The following OR2A42 variants were observed in gnomAD, a reference collection of about 807,000 sequenced individuals.
The protein encoded by OR2A42 is olfactory receptor family 2 subfamily A member 42.
For synonymous variants in OR2A42, 5 were observed against 46.4 expected (o/e 0.11, Z 3.63); for missense variants, 3 against 104.1 (o/e 0.03, Z 4.23).
At chr7:144,236,085 T>C (rs1378576091) in intron 2 of OR2A42, among the ~76,000 whole-genome samples, 1 of 150,164 alleles carries the variant, frequency 6.7e-6, no homozygotes, top group African/African-American at 2.4e-5. Flanking sequence ...ATTTAAAAAT[T>C]TGGCAAATTA....
rs1284747479 is a variant in OR2A42 at position 144,229,879 on chromosome 7, C to G, written c.*2032G>C. 2 of 151,804 alleles carry G rather than the reference C, an allele frequency of 1.3e-5. No homozygotes were observed. The highest frequency in any genetic ancestry group is 2.9e-5 in the Non-Finnish European group (2 of 67,842). 9.4% of individuals were successfully genotyped at this position (151,804 alleles called of 1,614,324 possible). On this transcript the variant is annotated 3_prime_UTR_variant, in exon 3 of 3. Coordinates refer to ENST00000641810, the MANE Select transcript of OR2A42 (RefSeq NM_001001802.3). ...CACTGCAGCCTCAAAATCCCTGGCT[C>G]AAGTGATCCTCTTGCCTCAGCCTCC...
rs1473929016 is a variant in OR2A42, at chr7:144,238,697, G to T, written c.-270C>A. On this transcript the variant is annotated 5_prime_UTR_variant, in exon 2 of 3. Transcript: ENST00000641810. ...GTGCTCAGCCTGGTTGACAGCTGAGGGATCACTGGAGGAGCTGGGCCATGA... is the reference window on the plus strand; with the variant it reads ...GTGCTCAGCCTGGTTGACAGCTGAGTGATCACTGGAGGAGCTGGGCCATGA... 1.3e-5 allele frequency: 2 copies of T among 151,794 alleles called. No homozygotes were observed. Among genetic ancestry groups the T allele is most frequent in the South Asian group, 2.1e-4 (1 of 4,794 alleles). The allele number at this position is 151,794 out of a possible 1,614,324, so 9.4% of individuals were successfully genotyped here.
intron 2 of OR2A42, among the ~76,000 whole-genome samples, chr7:144,237,603 T>A (rs1400035453): frequency 1.3e-5 from 2 of 150,742 alleles, no homozygotes; most frequent in Admixed American, 1.3e-4. Flanking sequence ...TATTTAGGCA[T>A]TCATTCATTC....
At chr7:144,235,610 T>C (rs1238518499) in intron 2 of OR2A42, among the ~76,000 whole-genome samples, 1 of 152,202 alleles carries the variant, frequency 6.6e-6, no homozygotes, top group African/African-American at 2.4e-5. Context: ...ATAGTTTTTT[T>C]AACCATCCTT....
Position 144,235,132 on chromosome 7 carries a change from T to C in OR2A42, c.-4-2285A>G, listed in dbSNP as rs2052410775. On this transcript the variant is annotated intron_variant, in intron 2 of 2. Transcript: ENST00000641810. ...CCTAGCTAATTTTTTTAAATAAATA[T>C]TTTTTGTACAGACAATGTATTATTA... Among the ~76,000 whole-genome samples the C allele has an allele frequency of 2.0e-5, 3 of 146,814 alleles. No homozygotes were observed. The South Asian group carries it at 6.5e-4, about 32-fold the overall frequency.
chr7:144,230,135 T>G lies in OR2A42; in HGVS notation c.*1776A>C, dbSNP rs1345181569. The G allele has an allele frequency of 8.4e-6, 1 of 119,704 alleles. No homozygotes were observed. 7.4% of individuals were successfully genotyped at this position (119,704 alleles called of 1,614,324 possible). A position where few individuals can be genotyped will look rare whatever the true frequency, so the allele number is the denominator to read the frequency against. On this transcript the variant is annotated 3_prime_UTR_variant, in exon 3 of 3. Coordinates refer to ENST00000641810, the MANE Select transcript of OR2A42 (RefSeq NM_001001802.3). ...TCACGCACCAGTATAAAAAAAGCTG[T>G]TTTTTGTTTGTTTGTTTGTTTGTTT...
chr7:144,230,137 T>TTTG lies in OR2A42; in HGVS notation c.*1773_*1774insCAA. On this transcript the variant is annotated 3_prime_UTR_variant, in exon 3 of 3. Transcript: ENST00000641810. ...ACGCACCAGTATAAAAAAAGCTGTT[T>TTTG]TTTGTTTGTTTGTTTGTTTGTTTGT... 9.0e-6 allele frequency: 1 copy of TTTG among 110,498 alleles called. No individual in the cohort carries two copies. Among genetic ancestry groups the TTTG allele is most frequent in the East Asian group, 2.3e-4 (1 of 4,426 alleles). 6.8% of individuals were successfully genotyped at this position (110,498 alleles called of 1,614,324 possible).
rs1397018756 is a variant in OR2A42 at position 144,228,965 on chromosome 7, G to C, written c.*2946C>G. ...GCCAGCTGACTCACAGAGGTTCCCT[G>C]AGTCTGGGCCACAGCTCATGCTCCT... On this transcript the variant is annotated 3_prime_UTR_variant, in exon 3 of 3. Transcript: ENST00000641810. The C allele has an allele frequency of 2.0e-5, 3 of 149,976 alleles. No individual in the cohort carries two copies. Among genetic ancestry groups the C allele is most frequent in the Non-Finnish European group, 1.5e-5 (1 of 67,316 alleles). 9.3% of individuals were successfully genotyped at this position (149,976 alleles called of 1,614,324 possible).
At chr7:144,235,115 A>C (rs1045147218) in intron 2 of OR2A42, among the ~76,000 whole-genome samples, 8 of 146,610 alleles carry the variant, frequency 5.5e-5, no homozygotes, top group Non-Finnish European at 1.2e-4. Context: ...TACCTAGCTA[A>C]TTTTTTTAAA....
At chr7:144,237,715 A>T (rs2052449200) in intron 2 of OR2A42, among the ~76,000 whole-genome samples, 1 of 150,292 alleles carries the variant, frequency 6.7e-6, no homozygotes, top group Non-Finnish European at 1.5e-5. Context: ...TTATTGACTA[A>T]CTAGATATCA....
In OR2A42 at chr7:144,228,989, C is replaced by T. The variant is rs2052333654; in HGVS notation, c.*2922G>A. The T allele has an allele frequency of 6.6e-6, 1 of 150,838 alleles. No homozygotes were observed. The highest frequency in any genetic ancestry group is 2.1e-4 in the South Asian group (1 of 4,720). The allele number at this position is 150,838 out of a possible 1,614,324, so 9.3% of individuals were successfully genotyped here. On this transcript the variant is annotated 3_prime_UTR_variant, in exon 3 of 3. Coordinates refer to ENST00000641810, the MANE Select transcript of OR2A42 (RefSeq NM_001001802.3). ...TGAGTCTGGGCCACAGCTCATGCTC[C>T]TGGTCCAGCTATGCCCTCCAAGAGT...
At position 144,230,153 on chromosome 7, in the gene OR2A42, GTTTGT is replaced by G. The variant is rs1220793928; in HGVS notation, c.*1753_*1757del. 2 of 134,968 alleles carry G rather than the reference GTTTGT, an allele frequency of 1.5e-5. No homozygotes were observed. Among genetic ancestry groups the G allele is most frequent in the African/African-American group, 5.6e-5 (2 of 35,836 alleles). 8.4% of individuals were successfully genotyped at this position (134,968 alleles called of 1,614,324 possible). ...AAAGCTGTTTTTTGTTTGTTTGTTTGTTTGTTTGTTTGTTTTTCCCCCAGCTTTAA... is the reference window on the plus strand; with the variant it reads ...AAAGCTGTTTTTTGTTTGTTTGTTTGTTGTTTGTTTTTCCCCCAGCTTTAA... On this transcript the variant is annotated 3_prime_UTR_variant, in exon 3 of 3. Coordinates refer to ENST00000641810, the MANE Select transcript of OR2A42 (RefSeq NM_001001802.3).
intron 2 of OR2A42, among the ~76,000 whole-genome samples, chr7:144,235,554 G>T (rs1310379352): frequency 2.0e-5 from 3 of 152,132 alleles, no homozygotes; most frequent in African/African-American, 7.2e-5. Context: ...TACTTACTGT[G>T]TGGACAAATT....
chr7:144,238,031 C>T (rs1414872874), intron 2 of OR2A42, among the ~76,000 whole-genome samples: 56 of 133,078 alleles, frequency 4.2e-4, no homozygotes, highest in African/African-American at 1.6e-3. Context: ...GCAGTGAACA[C>T]TTAATGGCTG....
chr7:144,238,780 A>G (rs1294508563), intron 1 of OR2A42, 37 bp from the exon 2 acceptor site: 2 of 150,746 alleles, frequency 1.3e-5, no homozygotes, highest in Admixed American at 6.6e-5. Context: ...GGTTTTTTCT[A>G]TTTCTGTTCT....
Position 144,230,294 on chromosome 7 carries a change from A to G in OR2A42, c.*1617T>C, listed in dbSNP as rs1323889129. On this transcript the variant is annotated 3_prime_UTR_variant, in exon 3 of 3. Transcript: ENST00000641810. ...ATTTCATGATCTCTTTGATTTTTATATAATGGTTACGATTATGGGTTCAGC... is the reference window on the plus strand; with the variant it reads ...ATTTCATGATCTCTTTGATTTTTATGTAATGGTTACGATTATGGGTTCAGC... 2.5e-5 allele frequency: 3 copies of G among 119,732 alleles called. No homozygotes were observed. Among genetic ancestry groups the G allele is most frequent in the South Asian group, 2.9e-4 (1 of 3,472 alleles). 7.4% of individuals were successfully genotyped at this position (119,732 alleles called of 1,614,324 possible). A position where few individuals can be genotyped will look rare whatever the true frequency, so the allele number is the denominator to read the frequency against.
chr7:144,237,808 TG>T (rs1402186404), intron 2 of OR2A42, among the ~76,000 whole-genome samples: 3 of 149,480 alleles, frequency 2.0e-5, no homozygotes, highest in Non-Finnish European at 3.0e-5. Flanking sequence ...GAGTAAACAC[TG>T]AAAGAAACAA....
chr7:144,230,598 C>G lies in OR2A42; in HGVS notation c.*1313G>C, dbSNP rs1429999538. The G allele has an allele frequency of 1.3e-5, 2 of 150,874 alleles. No homozygotes were observed. The highest frequency in any genetic ancestry group is 4.9e-5 in the African/African-American group (2 of 40,970). 9.3% of individuals were successfully genotyped at this position (150,874 alleles called of 1,614,324 possible). ...TACGTGAACTAGAGATGTCTTTGTT[C>G]TGGATCTTACCACCCAGAACCAAGT... On this transcript the variant is annotated 3_prime_UTR_variant, in exon 3 of 3. Coordinates refer to ENST00000641810, the MANE Select transcript of OR2A42 (RefSeq NM_001001802.3).
In OR2A42 at chr7:144,230,791, A is replaced by AT. The variant is rs2052365499; in HGVS notation, c.*1119dup. ...AATAATCTCTGACTCTCCTGGCCTC[A>AT]TCATGGCACATTCTAGATGGGGAAG... On this transcript the variant is annotated 3_prime_UTR_variant, in exon 3 of 3. Transcript: ENST00000641810. The AT allele has an allele frequency of 9.6e-6, 1 of 104,398 alleles. No homozygotes were observed. The highest frequency in any genetic ancestry group is 2.0e-5 in the Non-Finnish European group (1 of 49,738). 6.5% of individuals were successfully genotyped at this position (104,398 alleles called of 1,614,324 possible). A position where few individuals can be genotyped will look rare whatever the true frequency, so the allele number is the denominator to read the frequency against.
Sources: gnomAD v4.1 joint callset for allele counts (sites outside exome capture counted in the v4.1 genomes callset) on GRCh38, gnomAD v4.1.1 for gene constraint, MANE v1.5 for transcripts, NCBI Gene and HGNC (gene_info 2026-07-23, HGNC 2026-07-21) for gene names.